PDE1A: variants seen among roughly 807,000 people sequenced by gnomAD.
PDE1A encodes the protein dual specificity calcium/calmodulin-dependent 3',5'-cyclic nucleotide phosphodiesterase 1A.
PDE1A carries 35 observed loss-of-function variants against 61.7 expected under a neutral mutation model. The ratio of observed to expected loss-of-function variants is 0.57; its 90% confidence interval spans 0.43 to 0.75. The LOEUF is 0.75. Among genes scored for constraint, PDE1A ranks in the 30% least tolerant of loss-of-function variants. The pLI, the probability that PDE1A is intolerant of heterozygous loss-of-function variation, is 0.00. For synonymous variants in PDE1A, 232 were observed against 213.2 expected, an observed-to-expected ratio of 1.09 and a Z score of -0.77; for missense variants, 597 against 630.6, an observed-to-expected ratio of 0.95 and a Z score of 0.57.
intron 10 of PDE1A, among the ~76,000 whole-genome samples, chr2:182,197,475 AC>A (rs1686230512): frequency 6.7e-6 from 1 of 149,722 alleles, no homozygotes; most frequent in Non-Finnish European, 1.5e-5. Flanking sequence ...ATATTTACCT[AC>A]CCCCGAGATT....
At chr2:182,423,698 G>A (rs1039145414) in intron 1 of PDE1A, among the ~76,000 whole-genome samples, 4 of 152,080 alleles carry the variant, frequency 2.6e-5, no homozygotes, top group African/African-American at 9.7e-5. Flanking sequence ...CCCATTGCCT[G>A]CCTGTAGCAC....
At chr2:182,612,941 T>C in the PDE1A span, among the ~76,000 whole-genome samples, 1 of 152,246 alleles carries the variant, frequency 6.6e-6, no homozygotes, top group African/African-American at 2.4e-5. Context: ...GCAGTTTTTT[T>C]ATCTTTTCAT....
intron 4 of PDE1A, among the ~76,000 whole-genome samples, chr2:182,232,502 C>G (rs1276699227): frequency 6.6e-6 from 1 of 152,170 alleles, no homozygotes; most frequent in African/African-American, 2.4e-5. Flanking sequence ...TATTCAGTCT[C>G]TTTTAAAAAT....
At chr2:182,566,923 C>T in the PDE1A span, among the ~76,000 whole-genome samples, 2 of 152,134 alleles carry the variant, frequency 1.3e-5, no homozygotes, top group Non-Finnish European at 2.9e-5. Context: ...TTACTGTTTA[C>T]TCTTGCTTTG....
At chr2:182,198,846 C>CTA (rs1686364256) in intron 10 of PDE1A, among the ~76,000 whole-genome samples, 1 of 151,876 alleles carries the variant, frequency 6.6e-6, no homozygotes, top group Non-Finnish European at 1.5e-5. Context: ...TCCTCTTCCT[C>CTA]TATGTCATAA....
At chr2:182,292,199 G>GCT (rs10667573) in intron 1 of PDE1A, among the ~76,000 whole-genome samples, 34,755 of 151,560 alleles carry the variant, frequency 0.23, 4,191 homozygotes, top group East Asian at 0.42. Flanking sequence ...AAGACCAGAG[G>GCT]CTCTCTCTCT....
upstream of PDE1A, chr2:182,522,744 GT>G: frequency 2.3e-6 from 2 of 851,460 alleles, no homozygotes; most frequent in Non-Finnish European, 2.9e-6. Flanking sequence ...AATTCCTACA[GT>G]TTACGAGCTC....
intron 1 of PDE1A, among the ~76,000 whole-genome samples, chr2:182,424,645 C>T (rs1472007672): frequency 6.6e-6 from 1 of 152,216 alleles, no homozygotes; most frequent in Non-Finnish European, 1.5e-5. Context: ...CCTAAAAGTA[C>T]AACTAGCTAT....
chr2:182,423,197 T>C (rs151148082), intron 1 of PDE1A, among the ~76,000 whole-genome samples: 4 of 152,204 alleles, frequency 2.6e-5, no homozygotes, highest in African/African-American at 9.6e-5. Context: ...TGACATGATA[T>C]GAAAATATAT....
chr2:182,571,986 C>T, the PDE1A span, among the ~76,000 whole-genome samples: 1 of 152,308 alleles, frequency 6.6e-6, no homozygotes, highest in Middle Eastern at 3.4e-3. Context: ...TAGCTTATTT[C>T]TCTTAGAACT....
chr2:182,302,880 A>AGTACGG (rs1304585147), intron 1 of PDE1A, among the ~76,000 whole-genome samples: 1 of 152,216 alleles, frequency 6.6e-6, no homozygotes, highest in East Asian at 1.9e-4. Flanking sequence ...CTTCACCAGG[A>AGTACGG]GTAGATTCCA....
chr2:182,486,653 T>C (rs1323703801), intron 2 of PDE1A, among the ~76,000 whole-genome samples: 1 of 152,080 alleles, frequency 6.6e-6, no homozygotes, highest in African/African-American at 2.4e-5. Flanking sequence ...TTTTGATCAA[T>C]TCATTTTTAA....
chr2:182,176,500 G>A (rs1692804455), intron 13 of PDE1A, among the ~76,000 whole-genome samples: 1 of 139,354 alleles, frequency 7.2e-6, no homozygotes, highest in South Asian at 2.3e-4. Context: ...TGTTGTTGGT[G>A]TATAAGAATG....
chr2:182,462,810 T>C (rs1205878346), intron 2 of PDE1A, among the ~76,000 whole-genome samples: 2 of 152,210 alleles, frequency 1.3e-5, no homozygotes, highest in African/African-American at 4.8e-5. Flanking sequence ...GAAACTTTTT[T>C]TTATTTTTTG....
At chr2:182,465,433 A>C (rs1238499045) in intron 2 of PDE1A, among the ~76,000 whole-genome samples, 5 of 152,078 alleles carry the variant, frequency 3.3e-5, no homozygotes, top group Admixed American at 1.3e-4. Context: ...TAAATCTGAT[A>C]CATTCAATCA....
At chr2:182,346,527 A>G (rs1007354831) in intron 1 of PDE1A, among the ~76,000 whole-genome samples, 2 of 152,132 alleles carry the variant, frequency 1.3e-5, no homozygotes, top group African/African-American at 4.8e-5. Context: ...TTTTCAAATC[A>G]AGCAGTTTAG....
chr2:182,478,089 A>T (rs967549978), intron 2 of PDE1A, among the ~76,000 whole-genome samples: 5 of 151,914 alleles, frequency 3.3e-5, no homozygotes, highest in African/African-American at 1.2e-4. Context: ...AAGCAGCTCA[A>T]ACCAGTATAC....
exon 1 of PDE1A, chr2:182,522,722 G>T: frequency 1.0e-6 from 1 of 968,248 alleles, no homozygotes; most frequent in Non-Finnish European, 1.2e-6. Flanking sequence ...TCTGTGCACT[G>T]AAGCACATCA....
intron 1 of PDE1A, among the ~76,000 whole-genome samples, chr2:182,372,100 T>G (rs946295096): frequency 6.6e-6 from 1 of 152,210 alleles, no homozygotes; most frequent in Non-Finnish European, 1.5e-5. Flanking sequence ...TCTGATATAT[T>G]TTTATTACCG....
Sources: allele counts gnomAD v4.1 joint callset (sites outside exome capture counted in the v4.1 genomes callset), GRCh38; gene constraint gnomAD v4.1.1; transcripts MANE v1.5; gene names NCBI Gene and HGNC (gene_info 2026-07-23, HGNC 2026-07-21).